The following NDUFB9 variants were observed in gnomAD, a reference collection of about 807,000 sequenced individuals.
NDUFB9 encodes the protein NADH dehydrogenase [ubiquinone] 1 beta subcomplex subunit 9.
In NDUFB9, 24 loss-of-function variants were observed where a neutral mutation model predicts 30.2. The ratio of observed to expected loss-of-function variants is 0.80; its 90% CI spans 0.58 to 1.12. The LOEUF is 1.12. NDUFB9 is among the 50% of genes most tolerant of loss of function. NDUFB9 has a pLI of 0.00. For missense variants in NDUFB9, 204 were observed against 226.0 expected (o/e 0.90, Z 0.62); for synonymous variants, 80 against 84.0 (o/e 0.95, Z 0.26).
chr8:124,543,426 T>A, intron 2 of NDUFB9, 147 bp downstream of exon 2: 1 of 806,216 alleles, frequency 1.2e-6, no homozygotes, highest in Non-Finnish European at 2.0e-6. Context: ...TACCTCATTT[T>A]ATTGCATTTT....
Position 124,539,324 on chromosome 8 carries a change from C to T in NDUFB9, c.101+37C>T, listed in dbSNP as rs746797613. On this transcript the variant is annotated intron_variant, in intron 1 of 3. Coordinates refer to ENST00000276689, the MANE Select transcript of NDUFB9 (RefSeq NM_005005.3). ...GGACCCAGGACTCGGGGAGGTGACCCTCGGGGCCCCATGGAGGTGGAGAGG... is the reference window on the plus strand; with the variant it reads ...GGACCCAGGACTCGGGGAGGTGACCTTCGGGGCCCCATGGAGGTGGAGAGG... The T allele has an allele frequency of 5.6e-6, 9 of 1,606,820 alleles. No homozygotes were observed. The African/African-American group carries it at 9.4e-5, about 17-fold the overall frequency.
chr8:124,539,447 G>A (rs974023874), intron 1 of NDUFB9, 160 bp downstream of exon 1: 3 of 680,802 alleles, frequency 4.4e-6, no homozygotes, highest in Non-Finnish European at 7.7e-6. Context: ...TCAAATCCAG[G>A]CTTCGCCACT....
chr8:124,541,603 T>C (rs1035279597), intron 1 of NDUFB9, among the ~76,000 whole-genome samples: 2 of 152,204 alleles, frequency 1.3e-5, no homozygotes, highest in African/African-American at 2.4e-5. Flanking sequence ...AGAAGACTTT[T>C]TTTGTTTGTT....
intron 1 of NDUFB9, among the ~76,000 whole-genome samples, chr8:124,540,762 T>C (rs1294289119): frequency 6.6e-6 from 1 of 152,220 alleles, no homozygotes; most frequent in Non-Finnish European, 1.5e-5. Context: ...TGCTGTTCTC[T>C]GTGGTTCCAT....
rs1199593627 is a variant in NDUFB9 at position 124,547,182 on chromosome 8, A to G, written c.408+69A>G. ...GAGTGAAGTTTTGCTCCCCACAAGC[A>G]GAGGTCCAGATTCCAGCCATGACAG... On this transcript the variant is annotated intron_variant, in intron 3 of 3. Coordinates refer to ENST00000276689, the MANE Select transcript of NDUFB9 (RefSeq NM_005005.3). 3 of 1,166,338 alleles carry G rather than the reference A, an allele frequency of 2.6e-6. No homozygotes were observed. In the East Asian group the frequency reaches 7.0e-5, roughly 27 times the overall value. 72.2% of individuals were successfully genotyped at this position (1,166,338 alleles called of 1,614,324 possible).
rs1387891275 is a variant in NDUFB9, at chr8:124,539,174, G to A, written c.-13G>A. 1.2e-6 allele frequency: 2 copies of A among 1,614,134 alleles called. No individual in the cohort carries two copies. Among genetic ancestry groups the A allele is most frequent in the Non-Finnish European group, 1.7e-6 (2 of 1,179,968 alleles). ...CCCGGCTCTCCGCGCGGCCGGGGAAGGTCAGCGCCGTAATGGCGTTCTTGG... is the reference window on the plus strand; with the variant it reads ...CCCGGCTCTCCGCGCGGCCGGGGAAAGTCAGCGCCGTAATGGCGTTCTTGG... On this transcript the variant is annotated 5_prime_UTR_variant, in exon 1 of 4. Transcript: ENST00000276689.
Position 124,549,819 on chromosome 8 carries a change from C to T in NDUFB9, c.467C>T (p.Pro156Leu). ...GGTCCTTTAACTGAAGCTTTGCCCC[C>T]TGCCCGAAAGGAAGGTGATTTGCCC... The part of the protein sequence containing the change: ...PGGPLTEALP[P>L]ARKEGDLPPL... The change falls in exon 4 of 4, where the codon CCT becomes CTT. Residue 156 changes from proline to leucine, a missense_variant. By Grantham distance (98) the Pro-to-Leu change is moderately conservative (BLOSUM62 -3). Coordinates refer to ENST00000276689, the MANE Select transcript of NDUFB9 (RefSeq NM_005005.3). 6.2e-7 allele frequency: 1 copy of T among 1,614,194 alleles called. No individual in the cohort carries two copies. The highest frequency in any genetic ancestry group is 8.5e-7 in the Non-Finnish European group (1 of 1,180,030).
chr8:124,541,793 G>A (rs187387603), intron 1 of NDUFB9, among the ~76,000 whole-genome samples: 6 of 152,114 alleles, frequency 3.9e-5, no homozygotes, highest in African/African-American at 1.4e-4. Flanking sequence ...TAGTAGAGAC[G>A]GGGTTTTGCC....
intron 1 of NDUFB9, among the ~76,000 whole-genome samples, chr8:124,539,841 C>T (rs149447963): frequency 1.7e-3 from 261 of 152,328 alleles, no homozygotes; most frequent in Middle Eastern, 6.8e-3. Flanking sequence ...TCTCCCACCC[C>T]TCCCATTAGC....
Position 124,543,217 on chromosome 8 carries a change from C to T in NDUFB9, c.232C>T (p.Gln78Ter). The part of the protein sequence containing the change: ...EEEFWYRQHP[Q>*]PYIFPDSPGG... ...AGAATTCTGGTACCGTCAGCATCCACAGCCATACATCTTCCCTGACTCTCC... is the reference window on the plus strand; with the variant it reads ...AGAATTCTGGTACCGTCAGCATCCATAGCCATACATCTTCCCTGACTCTCC... The change falls in exon 2 of 4, where the codon CAG (glutamine) becomes TAG (stop). Residue 78 changes from glutamine to a stop codon, truncating the protein, a stop_gained. Coordinates refer to ENST00000276689, the MANE Select transcript of NDUFB9 (RefSeq NM_005005.3). LOFTEE classifies it high-confidence loss of function. 6.2e-7 allele frequency: 1 copy of T among 1,614,220 alleles called. No homozygotes were observed. Among genetic ancestry groups the T allele is most frequent in the Non-Finnish European group, 8.5e-7 (1 of 1,180,034 alleles).
At position 124,547,399 on chromosome 8, in the gene NDUFB9, C is replaced by T. The variant is rs888691818; in HGVS notation, c.408+286C>T. 3.8e-5 allele frequency: 23 copies of T among 603,018 alleles called. No individual in the cohort carries two copies. In the African/African-American group the frequency reaches 4.1e-4, roughly 11 times the overall value. The allele number at this position is 603,018 out of a possible 1,614,324, so 37.4% of individuals were successfully genotyped here. A position where few individuals can be genotyped will look rare whatever the true frequency, so the allele number is the denominator to read the frequency against. ...GCCTTCTTGCTATACTTTCCCTCAA[C>T]CTGCCTCTCCACTATTTTCTTAGGC... is the stretch of plus-strand genomic sequence containing the variant. On this transcript the variant is annotated intron_variant, in intron 3 of 3. Coordinates refer to ENST00000276689, the MANE Select transcript of NDUFB9 (RefSeq NM_005005.3).
intron 1 of NDUFB9, among the ~76,000 whole-genome samples, chr8:124,539,718 G>C (rs1821854064): frequency 6.6e-6 from 1 of 152,128 alleles, no homozygotes; most frequent in Non-Finnish European, 1.5e-5. Context: ...ATTATCTTAA[G>C]CTTATTTTAC....
chr8:124,543,331 A>C, intron 2 of NDUFB9, 52 bp downstream of exon 2: 1 of 1,557,778 alleles, frequency 6.4e-7, no homozygotes, highest in East Asian at 2.2e-5. Flanking sequence ...TTGTTTCTTC[A>C]GTCCCACACC....
chr8:124,543,370 G>A, intron 2 of NDUFB9, 91 bp downstream of exon 2: 8 of 1,324,884 alleles, frequency 6.0e-6, no homozygotes, highest in South Asian at 2.4e-5. Context: ...TGCCCTTCAA[G>A]GGGTAGCTAG....
intron 1 of NDUFB9, 197 bp downstream of exon 1, chr8:124,539,484 C>G: frequency 1.7e-6 from 1 of 590,922 alleles, no homozygotes; most frequent in South Asian, 2.0e-5. Flanking sequence ...TGTAGAGTTG[C>G]TTGTCGGGTC....
Position 124,539,128 on chromosome 8 carries a change from C to A in NDUFB9, c.-59C>A. The stretch of plus-strand genomic sequence containing the variant: ...CCTTCCGGCTGGCCCCGCTCAGTCA[C>A]CCGCAGCAGGCGTGCAGTTTCCCGG... On this transcript the variant is annotated 5_prime_UTR_variant, in exon 1 of 4. Transcript: ENST00000276689. 1.2e-6 allele frequency: 2 copies of A among 1,612,966 alleles called. No individual in the cohort carries two copies. Among genetic ancestry groups the A allele is most frequent in the Non-Finnish European group, 1.7e-6 (2 of 1,178,984 alleles).
At chr8:124,544,236 GA>G (rs1436648201) in intron 2 of NDUFB9, among the ~76,000 whole-genome samples, 1 of 152,126 alleles carries the variant, frequency 6.6e-6, no homozygotes, top group African/African-American at 2.4e-5. Context: ...GGAAGCTGCA[GA>G]AAAAAAGTTG....
At chr8:124,542,063 C>T (rs929255856) in intron 1 of NDUFB9, among the ~76,000 whole-genome samples, 9 of 148,908 alleles carry the variant, frequency 6.0e-5, no homozygotes, top group African/African-American at 2.2e-4. Context: ...TTACAGGTGC[C>T]TGCCACCACG....
Position 124,543,086 on chromosome 8 carries a change from G to A in NDUFB9, c.102-1G>A. 6.2e-7 allele frequency: 1 copy of A among 1,614,040 alleles called. No individual in the cohort carries two copies. Among genetic ancestry groups the A allele is most frequent in the South Asian group, 1.1e-5 (1 of 91,074 alleles). On this transcript the variant is annotated splice_acceptor_variant, in intron 1 of 3. Transcript: ENST00000276689. LOFTEE classifies it high-confidence loss of function. ...AATCTTCAAAATCATTTTGGTTTAAGAGACAAATACCGATACTTTGCTTGT... is the reference window on the plus strand; with the variant it reads ...AATCTTCAAAATCATTTTGGTTTAAAAGACAAATACCGATACTTTGCTTGT...
Sources: gnomAD v4.1 joint callset for allele counts (sites outside exome capture counted in the v4.1 genomes callset) on GRCh38, gnomAD v4.1.1 for gene constraint, MANE v1.5 for transcripts, NCBI Gene and HGNC (gene_info 2026-07-23, HGNC 2026-07-21) for gene names.